WWOX: variants seen among roughly 807,000 people sequenced by gnomAD.
WWOX encodes the protein WW domain containing oxidoreductase, also known as WW domain-containing oxidoreductase.
In WWOX, 69 loss-of-function variants were observed where a neutral mutation model predicts 46.2. The observed-to-expected ratio is 1.49, with a 90% CI of 1.23 to 1.82. WWOX has a LOEUF of 1.82. Ranked by LOEUF, WWOX falls within the 40% of genes most tolerant of loss-of-function variation. The pLI, the probability that WWOX is intolerant of heterozygous loss-of-function variation, is 0.00. For synonymous variants in WWOX, 359 were observed against 202.6 expected, an observed-to-expected ratio of 1.77 and a Z score of -6.56; for missense variants, 919 against 542.6, an observed-to-expected ratio of 1.69 and a Z score of -6.89.
intron 5 of WWOX, among the ~76,000 whole-genome samples, chr16:78,226,258 C>T (rs1232850899): frequency 2.0e-5 from 3 of 152,096 alleles, no homozygotes; most frequent in Admixed American, 2.0e-4. Context: ...TTGCACCAAG[C>T]CTGATGCCTC....
intron 8 of WWOX, chr16:78,899,023 A>G (rs1201911600): frequency 6.6e-6 from 1 of 152,078 alleles, no homozygotes; most frequent in Non-Finnish European, 1.5e-5. Context: ...ATTCTGTAGA[A>G]TTCTCTACAT....
At chr16:78,803,390 C>G (rs1037827105) in intron 8 of WWOX, among the ~76,000 whole-genome samples, 1 of 152,124 alleles carries the variant, frequency 6.6e-6, no homozygotes, top group African/African-American at 2.4e-5. Context: ...ATGCAGAATT[C>G]TGTTTTATAT....
At chr16:78,732,870 C>CTTCT (rs1435989567) in intron 8 of WWOX, among the ~76,000 whole-genome samples, 1 of 152,192 alleles carries the variant, frequency 6.6e-6, no homozygotes, top group Non-Finnish European at 1.5e-5. Context: ...TTAGGTTTGA[C>CTTCT]TTCTTTCTTT....
chr16:78,145,729 C>T (rs772884780), intron 4 of WWOX, among the ~76,000 whole-genome samples: 1 of 152,310 alleles, frequency 6.6e-6, no homozygotes, highest in Admixed American at 6.5e-5. Context: ...TTCGTGTTCA[C>T]ATAGTCTCCT....
chr16:78,389,618 A>G (rs1020547748), intron 6 of WWOX, among the ~76,000 whole-genome samples: 1 of 152,204 alleles, frequency 6.6e-6, no homozygotes. Context: ...TCTCTACTAT[A>G]CAGATAAGGA....
chr16:78,651,590 C>G (rs151115490), intron 8 of WWOX, among the ~76,000 whole-genome samples: 4 of 152,320 alleles, frequency 2.6e-5, no homozygotes, highest in Admixed American at 2.6e-4. Flanking sequence ...CTTAGCCGTT[C>G]CTGCTTTTTG....
intron 8 of WWOX, among the ~76,000 whole-genome samples, chr16:78,512,728 G>A (rs1036691749): frequency 2.0e-5 from 3 of 152,206 alleles, no homozygotes; most frequent in Non-Finnish European, 4.4e-5. Flanking sequence ...TTTTTCACAA[G>A]TACTTGCACT....
intron 8 of WWOX, among the ~76,000 whole-genome samples, chr16:78,720,907 TC>T (rs1461861325): frequency 1.3e-5 from 2 of 152,036 alleles, no homozygotes; most frequent in African/African-American, 2.4e-5. Context: ...GATAAGTTCC[TC>T]CCCCATCCTC....
At chr16:78,938,706 G>C (rs1041187851) in intron 8 of WWOX, among the ~76,000 whole-genome samples, 3 of 152,176 alleles carry the variant, frequency 2.0e-5, no homozygotes, top group Non-Finnish European at 2.9e-5. Context: ...AAGTGTCTTT[G>C]TTCTAGTGCA....
intron 8 of WWOX, among the ~76,000 whole-genome samples, chr16:79,002,687 A>G (rs758137397): frequency 6.6e-5 from 10 of 152,272 alleles, no homozygotes; most frequent in Non-Finnish European, 1.3e-4. Context: ...GCAAACTGGG[A>G]CAGAGGGACT....
chr16:78,369,859 A>G (rs183473011), intron 5 of WWOX, among the ~76,000 whole-genome samples: 16 of 152,236 alleles, frequency 1.1e-4, no homozygotes, highest in African/African-American at 3.6e-4. Flanking sequence ...AAGGGCACGC[A>G]CAATGGCTCA....
intron 1 of WWOX, among the ~76,000 whole-genome samples, chr16:78,107,109 G>C (rs1462296459): frequency 6.6e-6 from 1 of 152,130 alleles, no homozygotes; most frequent in Non-Finnish European, 1.5e-5. Flanking sequence ...GGGAAAGAAT[G>C]TTCACATCTT....
intron 8 of WWOX, among the ~76,000 whole-genome samples, chr16:78,768,434 A>G (rs925000596): frequency 1.8e-4 from 27 of 152,064 alleles, no homozygotes; most frequent in Non-Finnish European, 5.9e-5. Context: ...TACTAAAAAT[A>G]CAACAATTAG....
chr16:78,299,528 T>A (rs1457798838), intron 5 of WWOX, among the ~76,000 whole-genome samples: 3 of 151,362 alleles, frequency 2.0e-5, no homozygotes, highest in African/African-American at 7.3e-5. Flanking sequence ...TTTCTTTTTT[T>A]TTTTTTTGGA....
At chr16:78,965,475 C>T (rs577988593) in intron 8 of WWOX, among the ~76,000 whole-genome samples, 22 of 151,692 alleles carry the variant, frequency 1.5e-4, no homozygotes, top group African/African-American at 5.1e-4. Flanking sequence ...GAGGCTGAGG[C>T]AGGAGAATCA....
chr16:78,328,028 A>C (rs1010720913), intron 5 of WWOX, among the ~76,000 whole-genome samples: 1 of 151,710 alleles, frequency 6.6e-6, no homozygotes, highest in Non-Finnish European at 1.5e-5. Context: ...GGTTTGTACC[A>C]CCTTGCCTGG....
intron 8 of WWOX, among the ~76,000 whole-genome samples, chr16:78,545,316 C>T (rs959121612): frequency 6.6e-6 from 1 of 152,132 alleles, no homozygotes; most frequent in Admixed American, 6.5e-5. Context: ...TGGTTACCTG[C>T]AGGGCGATTG....
chr16:78,678,005 C>T (rs1247886164), intron 8 of WWOX, among the ~76,000 whole-genome samples: 12 of 152,206 alleles, frequency 7.9e-5, no homozygotes, highest in Admixed American at 2.6e-4. Flanking sequence ...TTTCCAAACT[C>T]TGCCGTCCCT....
chr16:78,543,718 T>A (rs1260681578), intron 8 of WWOX, among the ~76,000 whole-genome samples: 1 of 152,178 alleles, frequency 6.6e-6, no homozygotes, highest in Non-Finnish European at 1.5e-5. Context: ...CCTTGTCTTG[T>A]GGAGGGAACA....
Sources: gnomAD v4.1 joint callset for allele counts (sites outside exome capture counted in the v4.1 genomes callset) on GRCh38, gnomAD v4.1.1 for gene constraint, MANE v1.5 for transcripts, NCBI Gene and HGNC (gene_info 2026-07-23, HGNC 2026-07-21) for gene names.